The following NOL10 variants were observed in gnomAD, a reference collection of about 807,000 sequenced individuals.
NOL10 encodes the protein H_NH0074G24.1.
In NOL10, 58 loss-of-function variants were observed where a neutral mutation model predicts 103.5. That is an observed-to-expected ratio of 0.56 (90% CI 0.45 to 0.70). NOL10 has a LOEUF of 0.70. Ranked by LOEUF, NOL10 falls within the 30% of genes least tolerant of loss-of-function variation. The pLI is 0.00. For synonymous variants in NOL10, 287 were observed against 282.5 expected (o/e 1.02, Z -0.16); for missense variants, 763 against 807.3 (o/e 0.95, Z 0.67).
intron 12 of NOL10, among the ~76,000 whole-genome samples, chr2:10,653,231 T>C (rs1000342026): frequency 6.6e-6 from 1 of 151,800 alleles, no homozygotes; most frequent in East Asian, 1.9e-4. Flanking sequence ...CTAAGCCCTT[T>C]CCATAGACAC....
At chr2:10,674,579 C>T (rs986477264) in intron 4 of NOL10, among the ~76,000 whole-genome samples, 1 of 152,174 alleles carries the variant, frequency 6.6e-6, no homozygotes, top group Non-Finnish European at 1.5e-5. Context: ...GTGGCTCATG[C>T]CTGTAATCCC....
chr2:10,611,835 A>G (rs1390553714), intron 13 of NOL10, among the ~76,000 whole-genome samples: 1 of 152,208 alleles, frequency 6.6e-6, no homozygotes, highest in Non-Finnish European at 1.5e-5. Context: ...GAATCGCTTG[A>G]ACCCGGGAGG....
intron 13 of NOL10, among the ~76,000 whole-genome samples, chr2:10,612,693 G>A (rs1446285165): frequency 7.2e-5 from 11 of 151,784 alleles, no homozygotes; most frequent in East Asian, 3.9e-4. Context: ...TAGTAGAGAC[G>A]GGGTTTCACC....
intron 20 of NOL10, among the ~76,000 whole-genome samples, chr2:10,573,222 T>C (rs1451183533): frequency 2.6e-5 from 4 of 151,644 alleles, no homozygotes; most frequent in Non-Finnish European, 4.4e-5. Flanking sequence ...TGAGATGGAG[T>C]CTTGCTCTGT....
chr2:10,590,080 C>A (rs1223207175), intron 17 of NOL10, among the ~76,000 whole-genome samples: 1 of 146,102 alleles, frequency 6.8e-6, no homozygotes, highest in East Asian at 2.0e-4. Context: ...TGCAAAAAAA[C>A]ACCTTTCAAG....
chr2:10,668,883 A>C (rs983643695), intron 6 of NOL10, among the ~76,000 whole-genome samples, 160 bp from the exon 7 acceptor site: 5 of 152,186 alleles, frequency 3.3e-5, no homozygotes, highest in African/African-American at 1.2e-4. Context: ...CACTTTATGA[A>C]TTTGTTCATG....
At position 10,589,670 on chromosome 2, in the gene NOL10, C is replaced by G; in HGVS notation, c.1504G>C (p.Glu502Gln). The change falls in exon 18 of 21, where the codon GAA (glutamate) becomes CAA (glutamine). Residue 502 changes from glutamate (E) to glutamine (Q), a missense_variant. Physicochemically the swap from Glu to Gln is conservative, Grantham distance 29. Transcript: ENST00000381685. ...ACAAGTGGATTCAGAAGCCTAAATT[C>G]TTCACTCTCTTCATCTACTTGGAAG... The part of the protein sequence containing the change: ...PDFQVDEESE[E>Q]FRLLNPLVSK... 1 of 1,588,430 alleles carries G rather than the reference C, an allele frequency of 6.3e-7. No homozygotes were observed. The highest frequency in any genetic ancestry group is 2.2e-5 in the East Asian group (1 of 44,460).
intron 12 of NOL10, among the ~76,000 whole-genome samples, chr2:10,648,225 A>C (rs1001255621): frequency 6.6e-6 from 1 of 152,226 alleles, no homozygotes; most frequent in African/African-American, 2.4e-5. Context: ...CATAATCATG[A>C]TTATGCTTCA....
At chr2:10,592,550 G>C (rs917579489) in intron 17 of NOL10, among the ~76,000 whole-genome samples, 2 of 152,254 alleles carry the variant, frequency 1.3e-5, no homozygotes, top group Non-Finnish European at 2.9e-5. Flanking sequence ...ATAGATGATA[G>C]TGTGAAAGAT....
At position 10,572,145 on chromosome 2, in the gene NOL10, G is replaced by T. The variant is rs755807000; in HGVS notation, c.1993C>A (p.Gln665Lys). 2 of 1,613,890 alleles carry T rather than the reference G, an allele frequency of 1.2e-6. No homozygotes were observed. ...GAACGACGGAGTCTTTTCCTTTCTT[G>T]TCGATGCAGTTTCTCAGCCTCCTGT... ...KQQEAEKLHR[Q>K]ERKRLRRSAG... Residue 665 changes from glutamine (Q) to lysine (K), a missense_variant, in exon 21 of 21, where the codon CAA becomes AAA. By Grantham distance (53) the Gln-to-Lys change is moderately conservative (BLOSUM62 1). Transcript: ENST00000381685.
chr2:10,667,799 A>G (rs1224101777), intron 7 of NOL10, among the ~76,000 whole-genome samples: 2 of 152,182 alleles, frequency 1.3e-5, no homozygotes, highest in Non-Finnish European at 1.5e-5. Context: ...CACTCAATAT[A>G]ATGCATTTGT....
chr2:10,643,185 C>T (rs1318097720), intron 13 of NOL10, among the ~76,000 whole-genome samples: 2 of 152,300 alleles, frequency 1.3e-5, no homozygotes, highest in Non-Finnish European at 2.9e-5. Flanking sequence ...AACGAAATAT[C>T]TCTAAGTGCT....
intron 8 of NOL10, among the ~76,000 whole-genome samples, chr2:10,665,645 C>T (rs1324124185): frequency 2.0e-5 from 3 of 152,182 alleles, no homozygotes; most frequent in Non-Finnish European, 2.9e-5. Context: ...CGTTCTAATA[C>T]ATAACTTCTC....
At chr2:10,636,236 G>A (rs146329434) in intron 13 of NOL10, among the ~76,000 whole-genome samples, 6 of 152,002 alleles carry the variant, frequency 3.9e-5, no homozygotes, top group South Asian at 2.1e-4. Context: ...CAAATCTACC[G>A]TTAAACTAAA....
chr2:10,575,315 T>C (rs1479261143), intron 20 of NOL10, among the ~76,000 whole-genome samples: 2 of 152,176 alleles, frequency 1.3e-5, no homozygotes, highest in Non-Finnish European at 2.9e-5. Flanking sequence ...TATGCAAACA[T>C]AGGAAAAACT....
intron 13 of NOL10, among the ~76,000 whole-genome samples, chr2:10,643,771 T>C (rs901751029): frequency 2.0e-5 from 3 of 152,226 alleles, no homozygotes; most frequent in Non-Finnish European, 4.4e-5. Context: ...AAAATAAATG[T>C]AAATCAGAAG....
At chr2:10,639,077 A>G (rs1678521280) in intron 13 of NOL10, among the ~76,000 whole-genome samples, 2 of 151,718 alleles carry the variant, frequency 1.3e-5, no homozygotes, top group Non-Finnish European at 1.5e-5. Flanking sequence ...TGCTAGGATT[A>G]CAGGCGTGAG....
rs986485038 is a variant in NOL10 at position 10,682,520 on chromosome 2, C to A, written c.113-451G>T. ...GCTGAAGCGATCCTCACACCTCAGC[C>A]CCCCCAAATAGCTAGGACTACAGGC... On this transcript the variant is annotated intron_variant, in intron 2 of 20. Coordinates refer to ENST00000381685, the MANE Select transcript of NOL10 (RefSeq NM_024894.4). Among the ~76,000 whole-genome samples the A allele has an allele frequency of 9.9e-5, 15 of 151,090 alleles. No homozygotes were observed. In the East Asian group the frequency reaches 1.2e-3, roughly 12 times the overall value.
chr2:10,605,752 G>C (rs1190991000), intron 14 of NOL10, among the ~76,000 whole-genome samples: 1 of 152,160 alleles, frequency 6.6e-6, no homozygotes, highest in East Asian at 1.9e-4. Context: ...AATTACGTTG[G>C]AGACACTTAA....
Sources: allele counts gnomAD v4.1 joint callset (sites outside exome capture counted in the v4.1 genomes callset), GRCh38; gene constraint gnomAD v4.1.1; transcripts MANE v1.5; gene names NCBI Gene and HGNC (gene_info 2026-07-23, HGNC 2026-07-21).